IL23R: variants seen among roughly 807,000 people sequenced by gnomAD.
IL23R encodes interleukin 23 receptor.
In IL23R, 34 loss-of-function variants were observed where a neutral mutation model predicts 56.9. The observed-to-expected ratio is 0.60, with a 90% confidence interval of 0.45 to 0.80. IL23R has a LOEUF of 0.80. Among genes scored for constraint, IL23R ranks in the 30% least tolerant of loss-of-function variants. IL23R has a pLI of 0.00. For missense variants in IL23R, 635 were observed against 730.0 expected, an observed-to-expected ratio of 0.87 and a Z score of 1.50; for synonymous variants, 230 against 249.2, an observed-to-expected ratio of 0.92 and a Z score of 0.73.
intron 6 of IL23R, among the ~76,000 whole-genome samples, chr1:67,212,850 T>C (rs1295414261): frequency 2.0e-5 from 3 of 151,880 alleles, no homozygotes; most frequent in Admixed American, 1.3e-4. Context: ...CCACTGCTCC[T>C]GGCTAAGTCA....
intron 5 of IL23R, among the ~76,000 whole-genome samples, chr1:67,202,795 G>A (rs555576206): frequency 2.0e-5 from 3 of 151,910 alleles, no homozygotes; most frequent in South Asian, 2.1e-4. Context: ...AACTTGTCTC[G>A]AACTCTGTGG....
At chr1:67,191,699 C>A (rs554231793) in intron 4 of IL23R, among the ~76,000 whole-genome samples, 1 of 152,172 alleles carries the variant, frequency 6.6e-6, no homozygotes, top group African/African-American at 2.4e-5. Flanking sequence ...TATGTCCTCA[C>A]CACTCCACTG....
At chr1:67,210,447 T>C (rs555057911) in intron 6 of IL23R, among the ~76,000 whole-genome samples, 30 of 152,140 alleles carry the variant, frequency 2.0e-4, no homozygotes, top group African/African-American at 5.1e-4. Context: ...CCTTTTTTTT[T>C]CCCTTCCGAT....
intron 4 of IL23R, among the ~76,000 whole-genome samples, chr1:67,198,620 C>T (rs1187054811): frequency 1.3e-5 from 2 of 152,102 alleles, no homozygotes; most frequent in Non-Finnish European, 2.9e-5. Context: ...CTCATCAAAC[C>T]TGTCATTAGG....
intron 5 of IL23R, among the ~76,000 whole-genome samples, chr1:67,205,308 G>A (rs550494543): frequency 6.6e-6 from 1 of 152,252 alleles, no homozygotes; most frequent in South Asian, 2.1e-4. Flanking sequence ...CATAATTTTA[G>A]ATAATAATAG....
At chr1:67,160,531 G>A (rs922607388) in intron 1 of IL23R, among the ~76,000 whole-genome samples, 7 of 152,146 alleles carry the variant, frequency 4.6e-5, no homozygotes, top group Non-Finnish European at 8.8e-5. Context: ...TTGCAAACCA[G>A]ACTATCTTAT....
At chr1:67,170,359 A>G (rs911056316) in intron 3 of IL23R, among the ~76,000 whole-genome samples, 2 of 152,192 alleles carry the variant, frequency 1.3e-5, no homozygotes, top group Admixed American at 1.3e-4. Context: ...TCTGTTCCTA[A>G]TCTCACTATT....
At position 67,154,781 on chromosome 1, in the gene IL23R, C is replaced by G. The variant is rs867296221; in HGVS notation, c.-633-13311C>G. Among the ~76,000 whole-genome samples, 5 of 152,146 alleles carry G rather than the reference C, an allele frequency of 3.3e-5. No homozygotes were observed. The Middle Eastern group carries it at 0.014, about 414-fold the overall frequency. On this transcript the variant is annotated intron_variant, in intron 1 of 10. Transcript: ENST00000637002. Reference sequence around the variant, plus strand: ...TGTCTTTTAATTGGGGCATTTAGCCCATTTACATTTAAAGTTAATATTGTT... The same window carrying G: ...TGTCTTTTAATTGGGGCATTTAGCCGATTTACATTTAAAGTTAATATTGTT...
At chr1:67,222,102 CTTTTTTTTTT>C (rs72241835) in intron 7 of IL23R, among the ~76,000 whole-genome samples, 766 of 58,936 alleles carry the variant, frequency 0.013, 7 homozygotes, top group African/African-American at 0.044. Context: ...TTCTTTCTTT[CTTTTTTTTTT>C]TTTTTTTTTT....
chr1:67,242,833 G>C (rs1231539655), intron 9 of IL23R, among the ~76,000 whole-genome samples: 1 of 152,120 alleles, frequency 6.6e-6, no homozygotes, highest in East Asian at 1.9e-4. Flanking sequence ...TCTTGCATGG[G>C]AAAGCTTTCA....
At chr1:67,225,403 C>G (rs1650545274) in intron 7 of IL23R, among the ~76,000 whole-genome samples, 1 of 152,124 alleles carries the variant, frequency 6.6e-6, no homozygotes, top group Non-Finnish European at 1.5e-5. Context: ...TTAGCCAAGA[C>G]AGGACCATCA....
intron 3 of IL23R, among the ~76,000 whole-genome samples, chr1:67,182,082 G>A (rs989745588): frequency 2.6e-5 from 4 of 152,186 alleles, no homozygotes; most frequent in African/African-American, 9.7e-5. Flanking sequence ...AGAGGTCAGG[G>A]ACCCACTTGA....
At chr1:67,171,567 T>C (rs987795518) in intron 3 of IL23R, among the ~76,000 whole-genome samples, 21 of 152,322 alleles carry the variant, frequency 1.4e-4, no homozygotes, top group Admixed American at 1.2e-3. Context: ...ATTTTCCTTG[T>C]AATGGTTAAA....
chr1:67,160,090 C>T (rs968846603), intron 1 of IL23R, among the ~76,000 whole-genome samples: 1 of 152,110 alleles, frequency 6.6e-6, no homozygotes, highest in Non-Finnish European at 1.5e-5. Flanking sequence ...TGGACTCAAG[C>T]AATCCACCCA....
intron 3 of IL23R, among the ~76,000 whole-genome samples, chr1:67,175,057 G>A (rs949796111): frequency 6.6e-5 from 10 of 151,882 alleles, no homozygotes; most frequent in African/African-American, 2.2e-4. Flanking sequence ...CCTATTAGTC[G>A]GCCTACCTCA....
intron 6 of IL23R, among the ~76,000 whole-genome samples, chr1:67,216,340 T>C (rs191001733): frequency 6.6e-6 from 1 of 151,720 alleles, no homozygotes; most frequent in Non-Finnish European, 1.5e-5. Flanking sequence ...GCTATTACTA[T>C]TATTATTATT....
chr1:67,156,450 T>C (rs1037625183), intron 1 of IL23R, among the ~76,000 whole-genome samples: 2 of 152,132 alleles, frequency 1.3e-5, no homozygotes, highest in African/African-American at 4.8e-5. Flanking sequence ...AGGGAGAAGA[T>C]GAGTGTTCTG....
chr1:67,240,243 T>A lies in IL23R; in HGVS notation c.1110T>A (p.Leu370=). The change falls in exon 9 of 11, where the codon CTT becomes CTA. Residue 370 remains leucine (L), a synonymous_variant. Transcript: ENST00000347310. ...TCTTTGCTGTTATGTTGTCAATTCT[T>A]TCTTTGATTGGGATATTTAACAGAT... ...MIVFAVMLSI[L]SLIGIFNRSF... The A allele has an allele frequency of 6.2e-7, 1 of 1,613,506 alleles. No homozygotes were observed. The highest frequency in any genetic ancestry group is 8.5e-7 in the Non-Finnish European group (1 of 1,179,498).
intron 1 of IL23R, among the ~76,000 whole-genome samples, chr1:67,150,264 T>G (rs1261882375): frequency 2.7e-5 from 4 of 150,186 alleles, no homozygotes; most frequent in Non-Finnish European, 5.9e-5. Flanking sequence ...TTTTTTTTTT[T>G]TTTTTTTACT....
Sources: gnomAD v4.1 joint callset for allele counts (sites outside exome capture counted in the v4.1 genomes callset) on GRCh38, gnomAD v4.1.1 for gene constraint, MANE v1.5 for transcripts, NCBI Gene and HGNC (gene_info 2026-07-23, HGNC 2026-07-21) for gene names.